Variants in CNOT6L observed in about 807,000 individuals in gnomAD.
The protein encoded by CNOT6L is CCR4-NOT transcription complex subunit 6 like.
CNOT6L carries 7 observed loss-of-function variants against 64.0 expected under a neutral mutation model. That is an observed-to-expected ratio of 0.11 (90% confidence interval 0.06 to 0.21). The LOEUF (loss-of-function observed/expected upper bound fraction) is 0.21. CNOT6L is among the 10% of genes least tolerant of loss of function. CNOT6L has a pLI of 1.00. For synonymous variants in CNOT6L, 193 were observed against 243.4 expected, an observed-to-expected ratio of 0.79 and a Z score of 1.93; for missense variants, 245 against 669.0, an observed-to-expected ratio of 0.37 and a Z score of 6.99.
intron 1 of CNOT6L, among the ~76,000 whole-genome samples, chr4:77,799,130 T>A (rs972159724): frequency 4.0e-5 from 6 of 150,184 alleles, no homozygotes; most frequent in African/African-American, 1.5e-4. Context: ...AGCCCAAAAC[T>A]GGAAACTGTT....
intron 1 of CNOT6L, among the ~76,000 whole-genome samples, chr4:77,779,046 C>CAAAAAAAAAAAAAAAAAAAAAAA (rs747920305): frequency 3.0e-5 from 2 of 67,126 alleles, no homozygotes; most frequent in Non-Finnish European, 5.6e-5. Context: ...GACTCTGTCT[C>CAAAAAAAAAAAAAAAAAAAAAAA]AAAAAAAAAA....
intron 1 of CNOT6L, among the ~76,000 whole-genome samples, chr4:77,783,241 T>G (rs536922358): frequency 6.1e-4 from 92 of 151,732 alleles, no homozygotes; most frequent in Non-Finnish European, 1.2e-3. Context: ...TGAAGTCTAA[T>G]GTTTCTGACC....
chr4:77,814,605 C>T (rs1041519994), intron 1 of CNOT6L, among the ~76,000 whole-genome samples: 1 of 152,102 alleles, frequency 6.6e-6, no homozygotes, highest in African/African-American at 2.4e-5. Context: ...ATAATAGGTG[C>T]ACAGTGGGTC....
chr4:77,714,167 A>G lies in CNOT6L; in HGVS notation c.*6264T>C, dbSNP rs1577906029. 6.6e-6 allele frequency: 1 copy of G among 152,560 alleles called. No individual in the cohort carries two copies. The highest frequency in any genetic ancestry group is 1.5e-5 in the Non-Finnish European group (1 of 68,022). 9.5% of individuals were successfully genotyped at this position (152,560 alleles called of 1,614,324 possible). On this transcript the variant is annotated 3_prime_UTR_variant, in exon 12 of 12. Transcript: ENST00000504123. Reference sequence around the variant, plus strand: ...TTTGCTTTGCAACCATTAGAATTAGATAGTTACAAAAACACTTTATAGGTC... The same window carrying G: ...TTTGCTTTGCAACCATTAGAATTAGGTAGTTACAAAAACACTTTATAGGTC...
Position 77,800,512 on chromosome 4 carries a change from T to TA in CNOT6L, c.5+18791dup, listed in dbSNP as rs992719929. Reference sequence around the variant, plus strand: ...AGCGACAAAGCAAGACCCTGTCTCTTAAAAAAAAAATTAAAAAAAATAAAG... The same window carrying TA: ...AGCGACAAAGCAAGACCCTGTCTCTTAAAAAAAAAAATTAAAAAAAATAAAG... On this transcript the variant is annotated intron_variant, in intron 1 of 11. Coordinates refer to ENST00000504123, the MANE Select transcript of CNOT6L (RefSeq NM_144571.3). Among the ~76,000 whole-genome samples, 27 of 148,522 alleles carry TA rather than the reference T, an allele frequency of 1.8e-4. No homozygotes were observed. The East Asian group carries it at 1.9e-3, about 11-fold the overall frequency.
At chr4:77,748,807 A>C (rs1724494817) in intron 5 of CNOT6L, among the ~76,000 whole-genome samples, 1 of 152,182 alleles carries the variant, frequency 6.6e-6, no homozygotes, top group African/African-American at 2.4e-5. Context: ...GGATGTATTA[A>C]AGTTAGTGAA....
rs1255848617 is a variant in CNOT6L at position 77,714,839 on chromosome 4, G to C, written c.*5592C>G. The C allele has an allele frequency of 6.6e-6, 1 of 152,566 alleles. No individual in the cohort carries two copies. The highest frequency in any genetic ancestry group is 1.5e-5 in the Non-Finnish European group (1 of 68,012). The allele number at this position is 152,566 out of a possible 1,614,324, so 9.5% of individuals were successfully genotyped here. A position where few individuals can be genotyped will look rare whatever the true frequency, so the allele number is the denominator to read the frequency against. On this transcript the variant is annotated 3_prime_UTR_variant, in exon 12 of 12. Transcript: ENST00000504123. Reference sequence around the variant, plus strand: ...ACAGTACAGTTTCTAAGTAAATACAGACCCAGATACTGCATCACTTACTGC... The same window carrying C: ...ACAGTACAGTTTCTAAGTAAATACACACCCAGATACTGCATCACTTACTGC...
At chr4:77,804,994 A>AT (rs1732057009) in intron 1 of CNOT6L, among the ~76,000 whole-genome samples, 1 of 152,000 alleles carries the variant, frequency 6.6e-6, no homozygotes, top group South Asian at 2.1e-4. Context: ...ACTCGTGGAG[A>AT]TTTTTTTTAA....
chr4:77,777,299 G>C (rs1233389737), intron 1 of CNOT6L, among the ~76,000 whole-genome samples: 5 of 152,202 alleles, frequency 3.3e-5, no homozygotes, highest in Non-Finnish European at 7.3e-5. Flanking sequence ...ACAGTCATGT[G>C]TGGTTTAACA....
intron 10 of CNOT6L, among the ~76,000 whole-genome samples, chr4:77,728,355 C>A (rs1722098789): frequency 6.6e-6 from 1 of 152,190 alleles, no homozygotes; most frequent in Non-Finnish European, 1.5e-5. Flanking sequence ...AACTGCAAAT[C>A]CCTCCCCGCT....
chr4:77,746,165 G>C (rs111922571), intron 6 of CNOT6L, among the ~76,000 whole-genome samples: 2 of 152,262 alleles, frequency 1.3e-5, no homozygotes, highest in African/African-American at 4.8e-5. Flanking sequence ...TTTTTCCTAA[G>C]ACTTTGTAAA....
chr4:77,811,765 GGAAAT>G (rs1732970480), intron 1 of CNOT6L, among the ~76,000 whole-genome samples: 1 of 151,512 alleles, frequency 6.6e-6, no homozygotes. Context: ...CAACAATCTA[GGAAAT>G]GAACTTCCTC....
chr4:77,800,314 C>A (rs1241123976), intron 1 of CNOT6L, among the ~76,000 whole-genome samples: 5 of 151,854 alleles, frequency 3.3e-5, no homozygotes, highest in African/African-American at 1.2e-4. Flanking sequence ...CCAGCCTGGG[C>A]AACATAGTGA....
chr4:77,801,525 A>T (rs1409996520), intron 1 of CNOT6L, among the ~76,000 whole-genome samples: 4 of 152,140 alleles, frequency 2.6e-5, no homozygotes, highest in Non-Finnish European at 4.4e-5. Context: ...ACCAAAAAAA[A>T]TTTTTAGACA....
Position 77,720,453 on chromosome 4 carries a change from A to C in CNOT6L, c.1646T>G (p.Val549Gly). The change falls in exon 12 of 12, where the codon GTT becomes GGT. Residue 549 changes from valine to glycine, a missense_variant. Around this residue, in one of 10 missense-constraint regions of CNOT6L, gnomAD observed 7 missense variants for 26.5 expected, o/e 0.26. Transcript: ENST00000504123. ...CCACTACCTCCGATTAGGCAAGTGA[A>C]CACCATTGACAAGAGGCAGGAGTGG... ...HPPLLPLVNGVHLPNRR is the reference protein window; with the variant it reads ...HPPLLPLVNGGHLPNRR 1 of 1,613,518 alleles carries C rather than the reference A, an allele frequency of 6.2e-7. No homozygotes were observed. The highest frequency in any genetic ancestry group is 8.5e-7 in the Non-Finnish European group (1 of 1,179,518).
chr4:77,807,517 A>T lies in CNOT6L; in HGVS notation c.5+11787T>A, dbSNP rs1199363804. ...AGAAAAAGTTCATAAAGCAAGGACT[A>T]CAAGTACCAAGTAAGGTTTCCCAAA... On this transcript the variant is annotated intron_variant, in intron 1 of 11. Transcript: ENST00000504123. 5.9e-5 allele frequency among the ~76,000 whole-genome samples: 9 copies of T among 152,322 alleles called. No homozygotes were observed. In the East Asian group the frequency reaches 1.7e-3, roughly 29 times the overall value.
chr4:77,803,633 GTTGCTCATGCCTA>G (rs1330956853), intron 1 of CNOT6L, among the ~76,000 whole-genome samples: 3 of 152,154 alleles, frequency 2.0e-5, no homozygotes, highest in African/African-American at 7.2e-5. Context: ...GGCAGGTGCG[GTTGCTCATGCCTA>G]TAATCCCATC....
intron 10 of CNOT6L, among the ~76,000 whole-genome samples, chr4:77,727,004 C>T (rs1299745398): frequency 6.6e-6 from 1 of 152,100 alleles, no homozygotes; most frequent in Non-Finnish European, 1.5e-5. Context: ...TGCACTGCTT[C>T]CACTGAATTA....
intron 6 of CNOT6L, among the ~76,000 whole-genome samples, chr4:77,746,782 TA>T (rs1486598569): frequency 2.0e-5 from 3 of 152,166 alleles, no homozygotes; most frequent in African/African-American, 4.8e-5. Flanking sequence ...TAAATCTATC[TA>T]GCTTTAAGTT....
Sources: allele counts gnomAD v4.1 joint callset (sites outside exome capture counted in the v4.1 genomes callset), GRCh38; gene constraint gnomAD v4.1.1; regional missense constraint gnomAD v4.1.1; transcripts MANE v1.5; gene names NCBI Gene and HGNC (gene_info 2026-07-23, HGNC 2026-07-21).